NIT1: variants seen among roughly 807,000 people sequenced by gnomAD.
NIT1 encodes nitrilase 1, also known as deaminated glutathione amidase.
NIT1 carries 30 observed loss-of-function variants against 36.8 expected under a neutral mutation model. That is an observed-to-expected ratio of 0.82 (90% CI 0.61 to 1.11). The LOEUF (loss-of-function observed/expected upper bound fraction) is 1.11, where lower values mean the gene tolerates loss of function less well. Ranked by LOEUF, NIT1 falls within the 50% of genes least tolerant of loss-of-function variation. NIT1 has a pLI of 0.00. For missense variants in NIT1, 438 were observed against 410.6 expected (o/e 1.07, Z -0.58); for synonymous variants, 151 against 155.6 (o/e 0.97, Z 0.22).
At position 161,120,835 on chromosome 1, in the gene NIT1, T is replaced by G; in HGVS notation, c.*70T>G. ...CTGCCACTATGAGCTAGTGCTCATGTGACTTGGAGGCAGGATCCAGGCACA... is the reference window on the plus strand; with the variant it reads ...CTGCCACTATGAGCTAGTGCTCATGGGACTTGGAGGCAGGATCCAGGCACA... On this transcript the variant is annotated 3_prime_UTR_variant, in exon 7 of 7. Transcript: ENST00000368009. 6.5e-7 allele frequency: 1 copy of G among 1,550,050 alleles called. No individual in the cohort carries two copies. The highest frequency in any genetic ancestry group is 8.7e-7 in the Non-Finnish European group (1 of 1,150,622).
downstream of NIT1, chr1:161,125,388 T>C (rs2101749791): frequency 6.6e-6 from 1 of 152,326 alleles, no homozygotes; most frequent in South Asian, 2.1e-4. Context: ...GCTCAGAAAG[T>C]TTATCAATAT....
intron 2 of NIT1, 75 bp from the exon 3 acceptor site, chr1:161,119,059 C>A: frequency 6.4e-7 from 1 of 1,563,868 alleles, no homozygotes; most frequent in Non-Finnish European, 8.8e-7. Flanking sequence ...TCCTGCCTCT[C>A]CACTTGCACC....
downstream of NIT1, chr1:161,122,063 A>G: frequency 6.8e-7 from 1 of 1,466,536 alleles, no homozygotes; most frequent in East Asian, 2.3e-5. This position sits in a 1 kb window ranked among gnomAD's most constrained non-coding sequence, Gnocchi z 4.2. Flanking sequence ...GATTGGTTGG[A>G]AGGGTAGAGA....
downstream of NIT1, chr1:161,124,698 A>G: frequency 1.2e-6 from 1 of 849,104 alleles, no homozygotes; most frequent in African/African-American, 1.7e-5. Flanking sequence ...ACAGGGGCTC[A>G]CACCTGTAAT....
downstream of NIT1, chr1:161,124,144 G>A (rs139874657): frequency 6.8e-6 from 11 of 1,610,946 alleles, no homozygotes; most frequent in East Asian, 8.9e-5. Flanking sequence ...TCACCAGCCC[G>A]TCTCCTCTTG....
At chr1:161,118,922 T>C (rs773411550) in intron 2 of NIT1, 41 bp downstream of exon 2, 2 of 1,484,598 alleles carry the variant, frequency 1.3e-6, no homozygotes, top group African/African-American at 2.8e-5. Context: ...GGCACTTAGA[T>C]GCTCAGTTTG....
downstream of NIT1, chr1:161,124,293 T>G (rs1655911375): frequency 1.2e-6 from 2 of 1,614,246 alleles, no homozygotes; most frequent in Non-Finnish European, 1.7e-6. Context: ...GAGTCCACGC[T>G]CGTGGTCATC....
intron 6 of NIT1, 96 bp downstream of exon 6, chr1:161,120,328 T>C (rs1655316983): frequency 6.6e-7 from 1 of 1,505,440 alleles, no homozygotes; most frequent in Admixed American, 1.8e-5. Flanking sequence ...TTCCACCTAA[T>C]GGGAAAACTC....
downstream of NIT1, chr1:161,122,165 C>T: frequency 6.2e-7 from 1 of 1,613,474 alleles, no homozygotes; most frequent in Non-Finnish European, 8.5e-7. This position sits in a 1 kb window ranked among gnomAD's most constrained non-coding sequence, Gnocchi z 4.2. Flanking sequence ...ATGCTTGCAG[C>T]ATCAAGTTCC....
downstream of NIT1, among the ~76,000 whole-genome samples, chr1:161,123,421 T>C (rs867326508): frequency 9.9e-5 from 15 of 152,148 alleles, 1 homozygote; most frequent in African/African-American, 3.6e-4. Flanking sequence ...GGGTGGATCA[T>C]GAGGTCAGGA....
At chr1:161,122,673 G>GT, downstream of NIT1, 1 of 1,106,478 alleles carries the variant, frequency 9.0e-7, no homozygotes, top group Non-Finnish European at 1.3e-6. This position sits in a 1 kb window ranked among gnomAD's most constrained non-coding sequence, Gnocchi z 4.2. Context: ...CTATTTCTAT[G>GT]TATCTCTGAA....
chr1:161,120,213 C>G lies in NIT1; in HGVS notation c.698C>G (p.Thr233Arg). 1 of 1,614,102 alleles carries G rather than the reference C, an allele frequency of 6.2e-7. No individual in the cohort carries two copies. The highest frequency in any genetic ancestry group is 1.1e-5 in the South Asian group (1 of 91,084). The change falls in exon 6 of 7, where the codon ACA (threonine) becomes AGA (arginine). Residue 233 changes from threonine to arginine, a missense_variant. Physicochemically the swap from Thr to Arg is moderately conservative, Grantham distance 71. Coordinates refer to ENST00000368009, the MANE Select transcript of NIT1 (RefSeq NM_005600.3). ...LTYPSAFGSI[T>R]GPAHWEVLLR... ...TATCCTTCAGCTTTTGGATCCATTACAGGCCCAGCCCACTGGGAGGTAAGA... is the reference window on the plus strand; with the variant it reads ...TATCCTTCAGCTTTTGGATCCATTAGAGGCCCAGCCCACTGGGAGGTAAGA...
intron 2 of NIT1, 72 bp from the exon 3 acceptor site, chr1:161,119,062 C>T: frequency 6.4e-7 from 1 of 1,573,614 alleles, no homozygotes; most frequent in African/African-American, 1.3e-5. Flanking sequence ...TGCCTCTCCA[C>T]TTGCACCCCT....
downstream of NIT1, chr1:161,123,117 G>T: frequency 6.2e-7 from 1 of 1,614,148 alleles, no homozygotes; most frequent in African/African-American, 1.3e-5. Context: ...ACTGACTTCC[G>T]GCGTTTTCGC....
chr1:161,125,055 A>G (rs1656016639), downstream of NIT1: 1 of 152,528 alleles, frequency 6.6e-6, no homozygotes, highest in African/African-American at 2.4e-5. Context: ...ATAATCCTGC[A>G]CTGTAGCCTG....
At chr1:161,124,445 C>A (rs1427830111), downstream of NIT1, 2 of 1,602,620 alleles carry the variant, frequency 1.2e-6, no homozygotes, top group Admixed American at 1.7e-5. Context: ...GGCTTGCCCG[C>A]CGCTTTAGGC....
downstream of NIT1, chr1:161,124,795 T>G: frequency 4.6e-6 from 1 of 218,924 alleles, no homozygotes; most frequent in Non-Finnish European, 8.9e-6. Flanking sequence ...GACCCGTTTC[T>G]ACAAAAAAAG....
rs893811820 is a variant in NIT1, at chr1:161,120,584, G to A, written c.803G>A (p.Ser268Asn). The A allele has an allele frequency of 1.9e-6, 3 of 1,614,230 alleles. No individual in the cohort carries two copies. Among genetic ancestry groups the A allele is most frequent in the Non-Finnish European group, 2.5e-6 (3 of 1,180,044 alleles). ...GGACGCCACCATGAGAAGAGAGCAA[G>A]TTATGGCCACAGCATGGTGGTAGAC... The part of the protein sequence containing the change: ...QCGRHHEKRA[S>N]YGHSMVVDPW... Residue 268 changes from serine (S) to asparagine (N), a missense_variant, in exon 7 of 7, where the codon AGT (serine) becomes AAT (asparagine). Physicochemically the swap from Ser to Asn is conservative, Grantham distance 46. Transcript: ENST00000368009.
chr1:161,124,692 G>GTGTGAGCCCCTGTGCCT, downstream of NIT1: 1 of 914,832 alleles, frequency 1.1e-6, no homozygotes, highest in Non-Finnish European at 1.5e-6. Context: ...CCAGGCACAG[G>GTGTGAGCCCCTGTGCCT]GGCTCACACC....
Sources: gnomAD v4.1 joint callset for allele counts (sites outside exome capture counted in the v4.1 genomes callset) on GRCh38, gnomAD v4.1.1 for gene constraint, Gnocchi (gnomAD v3.1) non-coding constraint, MANE v1.5 for transcripts, NCBI Gene and HGNC (gene_info 2026-07-23, HGNC 2026-07-21) for gene names.